The following SP4 variants were observed in gnomAD, a reference collection of about 807,000 sequenced individuals.
SP4 encodes transcription factor Sp4.
A neutral mutation model predicts 72.8 loss-of-function variants in SP4; 19 were observed. The ratio of observed to expected loss-of-function variants is 0.26; its 90% CI spans 0.18 to 0.38. The LOEUF is 0.38. Ranked by LOEUF, SP4 falls within the 10% of genes least tolerant of loss-of-function variation. SP4 has a pLI of 1.00. For missense variants in SP4, 1,008 were observed against 926.3 expected (o/e 1.09, Z -1.14); for synonymous variants, 395 against 333.1 (o/e 1.19, Z -2.02).
At chr7:21,489,622 T>C (rs1411027057) in intron 5 of SP4, among the ~76,000 whole-genome samples, 3 of 146,680 alleles carry the variant, frequency 2.0e-5, no homozygotes, top group African/African-American at 7.6e-5. Flanking sequence ...TGCAGTGGCA[T>C]GATCTTGGCT....
chr7:21,509,419 C>T (rs1782088530), intron 5 of SP4, among the ~76,000 whole-genome samples: 1 of 151,634 alleles, frequency 6.6e-6, no homozygotes, highest in African/African-American at 2.4e-5. Context: ...TTCTAAATAA[C>T]CTGTTGTACT....
intron 5 of SP4, among the ~76,000 whole-genome samples, chr7:21,486,416 C>G (rs1256654001): frequency 1.3e-5 from 2 of 152,198 alleles, no homozygotes; most frequent in East Asian, 3.9e-4. Context: ...TTCCAGGATT[C>G]AGTCTGGAAT....
chr7:21,491,356 T>C (rs547380932), intron 5 of SP4, among the ~76,000 whole-genome samples: 3 of 152,264 alleles, frequency 2.0e-5, no homozygotes, highest in South Asian at 4.1e-4. Context: ...CTGGAAATTA[T>C]AAAATCTGAA....
intron 5 of SP4, among the ~76,000 whole-genome samples, chr7:21,490,672 G>A (rs181041696): frequency 6.6e-5 from 10 of 152,266 alleles, no homozygotes; most frequent in Admixed American, 6.5e-4. Flanking sequence ...AATTCTGTGT[G>A]TAGATCAAAA....
In SP4 at chr7:21,464,221, C is replaced by T. The variant is rs1012263734; in HGVS notation, c.1679-12858C>T. Among the ~76,000 whole-genome samples the T allele has an allele frequency of 3.3e-5, 5 of 151,086 alleles. No homozygotes were observed. In the South Asian group the frequency reaches 6.3e-4, roughly 19 times the overall value. ...ATGCCGTTCTCCTGCCTTAGCCTCC[C>T]GAGTAGCTGGGACTACAGGCACCCA... On this transcript the variant is annotated intron_variant, in intron 3 of 5. Coordinates refer to ENST00000222584, the MANE Select transcript of SP4 (RefSeq NM_003112.5).
chr7:21,437,539 A>G (rs1783087997), intron 3 of SP4, among the ~76,000 whole-genome samples: 1 of 152,136 alleles, frequency 6.6e-6, no homozygotes. Context: ...GGATGGCTGA[A>G]TTTACTGAAT....
chr7:21,433,443 A>G (rs914721134), intron 3 of SP4, among the ~76,000 whole-genome samples: 4 of 152,246 alleles, frequency 2.6e-5, no homozygotes, highest in African/African-American at 7.2e-5. Flanking sequence ...CTGCAAGTCA[A>G]TACAGTTAAT....
rs777868321 is a variant in SP4, at chr7:21,511,056, A to G, written c.2142A>G (p.Lys714=). The change falls in exon 6 of 6, where the codon AAA becomes AAG. Residue 714 remains lysine (K), a synonymous_variant. Transcript: ENST00000222584. ...GATTTGAATGCCCGGAATGTTCTAAAAGGTTTATGCGGAGTGATCATCTCT... is the reference window on the plus strand; with the variant it reads ...GATTTGAATGCCCGGAATGTTCTAAGAGGTTTATGCGGAGTGATCATCTCT... ...EKRFECPECS[K]RFMRSDHLSK... The G allele has an allele frequency of 1.1e-5, 17 of 1,612,978 alleles. 1 individual carries two copies. In the South Asian group the frequency reaches 1.8e-4, roughly 17 times the overall value.
chr7:21,504,939 G>C (rs1195844475), intron 5 of SP4, among the ~76,000 whole-genome samples: 1 of 152,150 alleles, frequency 6.6e-6, no homozygotes, highest in East Asian at 1.9e-4. Flanking sequence ...CCCCAGGTTT[G>C]AGTGAGCACC....
chr7:21,459,188 C>T (rs955250879), intron 3 of SP4, among the ~76,000 whole-genome samples: 2 of 152,182 alleles, frequency 1.3e-5, no homozygotes, highest in Non-Finnish European at 2.9e-5. Flanking sequence ...GGCGCGATCT[C>T]AGCTCACTGC....
At chr7:21,487,327 C>T (rs1345405624) in intron 5 of SP4, among the ~76,000 whole-genome samples, 1 of 150,208 alleles carries the variant, frequency 6.7e-6, no homozygotes, top group Non-Finnish European at 1.5e-5. Flanking sequence ...CTCTGGGTCA[C>T]CTCTCTCCCT....
chr7:21,457,809 A>T (rs927342621), intron 3 of SP4, among the ~76,000 whole-genome samples: 2 of 151,808 alleles, frequency 1.3e-5, no homozygotes, highest in African/African-American at 2.4e-5. Flanking sequence ...GTTTGTGTTT[A>T]GGAGTTGGGG....
chr7:21,434,055 G>A (rs1043047127), intron 3 of SP4, among the ~76,000 whole-genome samples: 7 of 152,146 alleles, frequency 4.6e-5, no homozygotes, highest in African/African-American at 1.7e-4. Context: ...TTATAAATGA[G>A]CCCTGAAAGT....
At chr7:21,467,283 G>A (rs950554615) in intron 3 of SP4, among the ~76,000 whole-genome samples, 5 of 151,798 alleles carry the variant, frequency 3.3e-5, no homozygotes, top group Admixed American at 6.6e-5. Flanking sequence ...TGGCTTAAAG[G>A]TACTTAGAGC....
chr7:21,467,377 A>G (rs936814345), intron 3 of SP4, among the ~76,000 whole-genome samples: 27 of 152,118 alleles, frequency 1.8e-4, no homozygotes, highest in African/African-American at 6.5e-4. Context: ...TATCCATACC[A>G]TATTATACAA....
intron 3 of SP4, among the ~76,000 whole-genome samples, chr7:21,457,221 G>A (rs1783794983): frequency 6.6e-6 from 1 of 151,998 alleles, no homozygotes; most frequent in Non-Finnish European, 1.5e-5. Context: ...GAATAATCTG[G>A]TCCCTGCCAG....
rs1023759123 is a variant in SP4 at position 21,512,178 on chromosome 7, AT to A, written c.*913del. ...AGTGTAAATTGTTCTGTAGTTTCATATTTTGTAAATATGAGTTATGTTGACA... is the reference window on the plus strand; with the variant it reads ...AGTGTAAATTGTTCTGTAGTTTCATATTTGTAAATATGAGTTATGTTGACA... On this transcript the variant is annotated 3_prime_UTR_variant, in exon 6 of 6. Coordinates refer to ENST00000222584, the MANE Select transcript of SP4 (RefSeq NM_003112.5). 1.3e-5 allele frequency: 2 copies of A among 152,612 alleles called. No homozygotes were observed. The highest frequency in any genetic ancestry group is 4.8e-5 in the African/African-American group (2 of 41,448). 9.5% of individuals were successfully genotyped at this position (152,612 alleles called of 1,614,324 possible).
intron 5 of SP4, among the ~76,000 whole-genome samples, chr7:21,484,476 G>A (rs183788273): frequency 1.4e-4 from 21 of 151,992 alleles, no homozygotes; most frequent in Admixed American, 1.2e-3. Flanking sequence ...CCCTGTGTTA[G>A]TATAGCGTCG....
chr7:21,464,779 A>G (rs1221111504), intron 3 of SP4, among the ~76,000 whole-genome samples: 7 of 152,282 alleles, frequency 4.6e-5, no homozygotes, highest in Admixed American at 3.3e-4. Context: ...TCAAGAGGTA[A>G]TAGAGCCCAA....
Sources: allele counts gnomAD v4.1 joint callset (sites outside exome capture counted in the v4.1 genomes callset), GRCh38; gene constraint gnomAD v4.1.1; transcripts MANE v1.5; gene names NCBI Gene and HGNC (gene_info 2026-07-23, HGNC 2026-07-21).